The following TBC1D4 variants were observed in gnomAD, a reference collection of about 807,000 sequenced individuals.
TBC1D4 encodes TBC (Tre-2, BUB2, CDC16) domain-containing protein.
In TBC1D4, 121 loss-of-function variants were observed where a neutral mutation model predicts 142.5. The ratio of observed to expected loss-of-function variants is 0.85; its 90% CI spans 0.73 to 0.99. The LOEUF (loss-of-function observed/expected upper bound fraction) is 0.99. Ranked by LOEUF, TBC1D4 falls within the 50% of genes least tolerant of loss-of-function variation. The probability of loss-of-function intolerance (pLI) is 0.00; values close to 1 mark genes in which losing one functional copy is unlikely to be tolerated. For synonymous variants in TBC1D4, 630 were observed against 628.2 expected (o/e 1.00, Z -0.04); for missense variants, 1,475 against 1,606.6 (o/e 0.92, Z 1.40).
intron 7 of TBC1D4, among the ~76,000 whole-genome samples, chr13:75,340,861 G>T (rs1303628837): frequency 2.0e-5 from 3 of 152,268 alleles, no homozygotes; most frequent in Middle Eastern, 6.8e-3. Flanking sequence ...CAGAAGAATC[G>T]CTTGAACCCG....
chr13:75,351,384 G>GGGGTA, intron 4 of TBC1D4, among the ~76,000 whole-genome samples: 1 of 151,038 alleles, frequency 6.6e-6, no homozygotes, highest in African/African-American at 2.4e-5. Flanking sequence ...TTTTGGGGGG[G>GGGGTA]TATATATATA....
At position 75,302,332 on chromosome 13, in the gene TBC1D4, A is replaced by G. The variant is rs1199532037; in HGVS notation, c.2822T>C (p.Leu941Ser). 1 of 1,614,180 alleles carries G rather than the reference A, an allele frequency of 6.2e-7. No homozygotes were observed. Among genetic ancestry groups the G allele is most frequent in the East Asian group, 2.2e-5 (1 of 44,878 alleles). The change falls in exon 16 of 21, where the codon TTG becomes TCG. Residue 941 changes from leucine (L) to serine (S), a missense_variant. Coordinates refer to ENST00000377636, the MANE Select transcript of TBC1D4 (RefSeq NM_014832.5). Reference sequence around the variant, plus strand: ...GTCAGGAGGCTGTTGTTTATTAGGCAATCTGTGTCTGAGTCGGTACTGTAA... The same window carrying G: ...GTCAGGAGGCTGTTGTTTATTAGGCGATCTGTGTCTGAGTCGGTACTGTAA... ...LALQYRLRHR[L>S]PNKQQPPDIS...
intron 1 of TBC1D4, among the ~76,000 whole-genome samples, chr13:75,410,242 T>A (rs1885578702): frequency 6.6e-6 from 1 of 152,324 alleles, no homozygotes; most frequent in Non-Finnish European, 1.5e-5. Context: ...CCCCTTTTCA[T>A]TCCAAAGGTT....
intron 7 of TBC1D4, among the ~76,000 whole-genome samples, chr13:75,339,017 A>C (rs1880456447): frequency 6.6e-6 from 1 of 152,158 alleles, no homozygotes; most frequent in African/African-American, 2.4e-5. Flanking sequence ...GGCCTCTCTG[A>C]GTCAAATAAA....
At chr13:75,405,473 T>C (rs969125485) in intron 1 of TBC1D4, among the ~76,000 whole-genome samples, 18 of 152,142 alleles carry the variant, frequency 1.2e-4, no homozygotes, top group Non-Finnish European at 2.5e-4. Flanking sequence ...GGTTTCACCA[T>C]GTTGCCCAGG....
chr13:75,468,969 T>C (rs547647128), intron 1 of TBC1D4, among the ~76,000 whole-genome samples: 1 of 152,084 alleles, frequency 6.6e-6, no homozygotes, highest in South Asian at 2.1e-4. Context: ...TTAAACGAGT[T>C]AAGTGTCAAA....
chr13:75,481,356 A>G lies in TBC1D4; in HGVS notation c.412T>C (p.Tyr138His). Residue 138 changes from tyrosine to histidine, a missense_variant, in exon 1 of 21, where the codon TAC becomes CAC. By Grantham distance (83) the Tyr-to-His change is moderately conservative (BLOSUM62 2). Coordinates refer to ENST00000377636, the MANE Select transcript of TBC1D4 (RefSeq NM_014832.5). ...TGCGCCTTGATCAGGTAGGCAAAGTAGGTGAGGTCGTGGCTGTTGTGGATG... is the reference window on the plus strand; with the variant it reads ...TGCGCCTTGATCAGGTAGGCAAAGTGGGTGAGGTCGTGGCTGTTGTGGATG... Reference protein sequence around the residue: ...RFIHNSHDLTYFAYLIKAQPD... With the variant: ...RFIHNSHDLTHFAYLIKAQPD... The G allele has an allele frequency of 6.2e-7, 1 of 1,613,912 alleles. No homozygotes were observed. Among genetic ancestry groups the G allele is most frequent in the Non-Finnish European group, 8.5e-7 (1 of 1,179,836 alleles).
intron 17 of TBC1D4, among the ~76,000 whole-genome samples, chr13:75,298,229 A>G (rs545702427): frequency 3.9e-5 from 6 of 152,196 alleles, no homozygotes; most frequent in African/African-American, 1.4e-4. Context: ...ATCCTCTTTA[A>G]AGTCTTCTTT....
At chr13:75,325,315 AAAC>A (rs1422445363) in intron 10 of TBC1D4, among the ~76,000 whole-genome samples, 12 of 152,304 alleles carry the variant, frequency 7.9e-5, no homozygotes, top group African/African-American at 1.9e-4. Context: ...GTCATTCAGA[AAAC>A]AACAATGAAA....
chr13:75,316,964 T>C (rs908242285), intron 12 of TBC1D4, among the ~76,000 whole-genome samples: 4 of 152,248 alleles, frequency 2.6e-5, no homozygotes, highest in Admixed American at 2.6e-4. Context: ...ACATACTTCA[T>C]GCCAGGTATC....
rs540683828 is a variant in TBC1D4 at position 75,427,278 on chromosome 13, G to A, written c.498+53992C>T. 3.9e-4 allele frequency among the ~76,000 whole-genome samples: 59 copies of A among 152,184 alleles called. 1 individual carries two copies. The highest frequency in any genetic ancestry group is 3.3e-3 in the Admixed American group (51 of 15,288). ...AATTTTTTGTATTTTTAGTAGAGAC[G>A]GGGTTTCACCGTGGTCTCGATCTCC... On this transcript the variant is annotated intron_variant, in intron 1 of 20. Transcript: ENST00000377636.
rs539559849 is a variant in TBC1D4 at position 75,362,143 on chromosome 13, G to A, written c.963C>T (p.Gly321=). ...EFRSRCSSVT[G]VQRRVHEGSQ... ...TGCCCTCGTGAACTCTCCGTTGCAC[G>A]CCGGTGACACTGCTGCACCGAGACC... is the stretch of plus-strand genomic sequence containing the variant. Residue 321 remains glycine (G), a synonymous_variant, in exon 2 of 21, where the codon GGC becomes GGT. Transcript: ENST00000377636. The surrounding 1 kb of genome is among the most constrained non-coding windows in gnomAD (Gnocchi z 4.2). 8 of 1,613,392 alleles carry A rather than the reference G, an allele frequency of 5.0e-6. No homozygotes were observed. Among genetic ancestry groups the A allele is most frequent in the African/African-American group, 1.3e-5 (1 of 74,944 alleles).
In TBC1D4 at chr13:75,476,790, C is replaced by T. The variant is rs768194281; in HGVS notation, c.498+4480G>A. On this transcript the variant is annotated intron_variant, in intron 1 of 20. Coordinates refer to ENST00000377636, the MANE Select transcript of TBC1D4 (RefSeq NM_014832.5). ...CAGGGTTTCTAAAACTGTGGTCACC[C>T]GGCCAGTAGTTTGAGCATCACCAGA... Among the ~76,000 whole-genome samples the T allele has an allele frequency of 5.9e-5, 9 of 152,276 alleles. 1 individual carries two copies. Among genetic ancestry groups the T allele is most frequent in the South Asian group, 2.1e-4 (1 of 4,812 alleles).
At chr13:75,346,930 ATAC>A (rs1194610955) in intron 5 of TBC1D4, among the ~76,000 whole-genome samples, 31 of 152,224 alleles carry the variant, frequency 2.0e-4, no homozygotes, top group Admixed American at 9.8e-4. Flanking sequence ...TTATGTGAAT[ATAC>A]TACTAATTAT....
chr13:75,420,764 C>T (rs1886130542), intron 1 of TBC1D4, among the ~76,000 whole-genome samples: 1 of 152,134 alleles, frequency 6.6e-6, no homozygotes, highest in Non-Finnish European at 1.5e-5. Flanking sequence ...GTGGGGTACG[C>T]AGATGCAATG....
intron 13 of TBC1D4, among the ~76,000 whole-genome samples, chr13:75,311,964 G>A (rs1877800097): frequency 6.6e-6 from 1 of 152,090 alleles, no homozygotes; most frequent in African/African-American, 2.4e-5. Context: ...AATTTCTAAA[G>A]ATGAGTATGT....
chr13:75,462,306 A>G (rs1022445848), intron 1 of TBC1D4, among the ~76,000 whole-genome samples: 7 of 152,190 alleles, frequency 4.6e-5, no homozygotes, highest in African/African-American at 1.7e-4. Context: ...CTCACCCCAC[A>G]TCTACAGACC....
intron 1 of TBC1D4, among the ~76,000 whole-genome samples, chr13:75,387,922 C>T (rs1000559646): frequency 1.3e-5 from 2 of 152,228 alleles, no homozygotes; most frequent in Non-Finnish European, 2.9e-5. Flanking sequence ...GCACCAATCT[C>T]ATCAGACCAA....
At chr13:75,453,080 T>C (rs1366949296) in intron 1 of TBC1D4, among the ~76,000 whole-genome samples, 1 of 152,136 alleles carries the variant, frequency 6.6e-6, no homozygotes, top group African/African-American at 2.4e-5. Flanking sequence ...TCCTATCAGC[T>C]TCTGTGAGGT....
Sources: allele counts gnomAD v4.1 joint callset (sites outside exome capture counted in the v4.1 genomes callset), GRCh38; gene constraint gnomAD v4.1.1; non-coding constraint Gnocchi (gnomAD v3.1); transcripts MANE v1.5; gene names NCBI Gene and HGNC (gene_info 2026-07-23, HGNC 2026-07-21).